TEX9: variants seen among roughly 807,000 people sequenced by gnomAD.
TEX9 encodes the protein testis-expressed protein 9.
TEX9 carries 74 observed loss-of-function variants against 59.6 expected under a neutral mutation model. That is an observed-to-expected ratio of 1.24 (90% CI 1.03 to 1.51). The LOEUF (loss-of-function observed/expected upper bound fraction) is 1.51. Ranked by LOEUF, TEX9 falls within the 40% of genes most tolerant of loss-of-function variation. TEX9 has a pLI of 0.00. For missense variants in TEX9, 522 were observed against 447.8 expected (o/e 1.17, Z -1.49); for synonymous variants, 186 against 152.2 (o/e 1.22, Z -1.64).
intron 12 of TEX9, chr15:56,443,899 A>G: frequency 1.5e-6 from 2 of 1,352,592 alleles, no homozygotes; most frequent in Non-Finnish European, 2.0e-6. Context: ...ACAATAAAAT[A>G]TAAAAAAGTA....
the TEX9 span, among the ~76,000 whole-genome samples, chr15:56,457,600 A>T: frequency 2.0e-5 from 3 of 152,130 alleles, no homozygotes; most frequent in East Asian, 5.8e-4. Context: ...AGGTGGGAGG[A>T]TCCTTAAGGC....
At chr15:56,259,532 T>C (rs1430905234) in intron 1 of TEX9, among the ~76,000 whole-genome samples, 1 of 152,098 alleles carries the variant, frequency 6.6e-6, no homozygotes, top group South Asian at 2.1e-4. Context: ...AAAATTGCAG[T>C]GGCATCATTG....
intron 1 of TEX9, among the ~76,000 whole-genome samples, chr15:56,281,097 G>A (rs2044807501): frequency 6.6e-6 from 1 of 152,080 alleles, no homozygotes; most frequent in Non-Finnish European, 1.5e-5. Context: ...TGAATTACTT[G>A]CATATTGTCT....
intron 1 of TEX9, among the ~76,000 whole-genome samples, chr15:56,269,193 A>T (rs963353720): frequency 2.6e-5 from 4 of 151,848 alleles, no homozygotes; most frequent in Non-Finnish European, 5.9e-5. Context: ...TTTTTATTGC[A>T]TCTATTTGAT....
At chr15:56,385,454 A>G (rs1294775247) in intron 4 of TEX9, among the ~76,000 whole-genome samples, 4 of 152,200 alleles carry the variant, frequency 2.6e-5, no homozygotes, top group Non-Finnish European at 5.9e-5. Context: ...TAAATGGCAC[A>G]TAGTGAAACT....
At position 56,284,159 on chromosome 15, in the gene TEX9, C is replaced by T. The variant is rs534733059; in HGVS notation, c.-107+39881C>T. On this transcript the variant is annotated intron_variant, in intron 1 of 5. Coordinates refer to the TEX9 transcript ENST00000560827. ...TTTTGACCTAGTAATTACACTTCTC[C>T]TTTTTTTTCTTTTTCTAAAGAGAGT... Among the ~76,000 whole-genome samples, 3 of 151,918 alleles carry T rather than the reference C, an allele frequency of 2.0e-5. No individual in the cohort carries two copies. In the East Asian group the frequency reaches 5.8e-4, roughly 29 times the overall value.
intron 10 of TEX9, among the ~76,000 whole-genome samples, chr15:56,424,946 T>C (rs73415811): frequency 6.6e-6 from 1 of 152,322 alleles, no homozygotes; most frequent in African/African-American, 2.4e-5. Flanking sequence ...ACAGTGGTAA[T>C]GAAGTTCCTC....
chr15:56,330,997 G>A (rs1773841784), intron 1 of TEX9, among the ~76,000 whole-genome samples: 1 of 152,132 alleles, frequency 6.6e-6, no homozygotes, highest in South Asian at 2.1e-4. Context: ...ACCAAAAAGA[G>A]CAGGAGTTGC....
chr15:56,262,854 C>T (rs2044297388), intron 1 of TEX9, among the ~76,000 whole-genome samples: 1 of 152,114 alleles, frequency 6.6e-6, no homozygotes, highest in Non-Finnish European at 1.5e-5. Context: ...TATAAAATGC[C>T]ATCCTTTATC....
chr15:56,327,056 A>G (rs181519878), intron 1 of TEX9, among the ~76,000 whole-genome samples: 297 of 152,330 alleles, frequency 1.9e-3, no homozygotes, highest in Non-Finnish European at 2.7e-3. Context: ...ATCATTATCA[A>G]AATAATGATT....
intron 1 of TEX9, among the ~76,000 whole-genome samples, chr15:56,273,447 C>G (rs967806800): frequency 6.6e-6 from 1 of 152,120 alleles, no homozygotes; most frequent in African/African-American, 2.4e-5. Context: ...ATCTGTTGTT[C>G]TATCATTTTC....
At chr15:56,322,672 A>G (rs2045928371) in intron 1 of TEX9, among the ~76,000 whole-genome samples, 3 of 152,156 alleles carry the variant, frequency 2.0e-5, no homozygotes, top group Admixed American at 6.6e-5. Flanking sequence ...ATTTTTCTCT[A>G]GCGATGTTCA....
chr15:56,300,685 C>CAGAGAGAG (rs71110380), intron 1 of TEX9, among the ~76,000 whole-genome samples: 177 of 115,624 alleles, frequency 1.5e-3, no homozygotes, highest in Non-Finnish European at 2.3e-3. Flanking sequence ...AGCAACTCAG[C>CAGAGAGAG]AGAGAGAGAG....
At chr15:56,445,746 G>A (rs548462925) in exon 13 of TEX9, 8 of 152,094 alleles carry the variant, frequency 5.3e-5, no homozygotes, top group African/African-American at 1.9e-4. Context: ...AGTAGTATTC[G>A]ACTTTCATTT....
intron 1 of TEX9, among the ~76,000 whole-genome samples, chr15:56,245,660 A>G (rs1435767298): frequency 6.6e-6 from 1 of 152,208 alleles, no homozygotes; most frequent in Non-Finnish European, 1.5e-5. Context: ...ACATTATCAT[A>G]GTTATTCCTC....
chr15:56,431,572 A>C, intron 12 of TEX9: 1 of 1,460,172 alleles, frequency 6.8e-7, no homozygotes, highest in Non-Finnish European at 9.5e-7. Context: ...AAAACTACTC[A>C]TGCAATGAAT....
intron 1 of TEX9, among the ~76,000 whole-genome samples, chr15:56,267,128 T>A (rs2044404732): frequency 6.6e-6 from 1 of 152,358 alleles, no homozygotes; most frequent in South Asian, 2.1e-4. Context: ...TGTCTTCTTT[T>A]GAAAAGTGTC....
At chr15:56,403,789 G>T (rs2048925230) in intron 9 of TEX9, among the ~76,000 whole-genome samples, 1 of 152,138 alleles carries the variant, frequency 6.6e-6, no homozygotes, top group Non-Finnish European at 1.5e-5. Flanking sequence ...CAGAGATATA[G>T]ACCAATGGAA....
chr15:56,286,714 A>G (rs1447037003), intron 1 of TEX9, among the ~76,000 whole-genome samples: 1 of 152,172 alleles, frequency 6.6e-6, no homozygotes, highest in African/African-American at 2.4e-5. Context: ...AGCCAGTGCA[A>G]TGGAGGCTCA....
Sources: allele counts gnomAD v4.1 joint callset (sites outside exome capture counted in the v4.1 genomes callset), GRCh38; gene constraint gnomAD v4.1.1; transcripts MANE v1.5; gene names NCBI Gene and HGNC (gene_info 2026-07-23, HGNC 2026-07-21).